The following RASA3 variants were observed in gnomAD, a reference collection of about 807,000 sequenced individuals.
RASA3 encodes RAS p21 protein activator 3, also known as ras GTPase-activating protein 3.
Under a neutral mutation model 110.0 loss-of-function variants are expected in RASA3, and 73 were observed. The observed-to-expected ratio is 0.66, with a 90% CI of 0.55 to 0.81. The LOEUF is 0.81. Ranked by LOEUF, RASA3 falls within the 30% of genes least tolerant of loss-of-function variation. The pLI is 0.00. For missense variants in RASA3, 976 were observed against 1,113.2 expected, an observed-to-expected ratio of 0.88 and a Z score of 1.75; for synonymous variants, 500 against 451.4, an observed-to-expected ratio of 1.11 and a Z score of -1.37.
intron 1 of RASA3, among the ~76,000 whole-genome samples, chr13:114,113,695 A>G (rs1357237207): frequency 1.4e-5 from 1 of 70,088 alleles, no homozygotes; most frequent in Non-Finnish European, 2.7e-5. Flanking sequence ...TACAGCTCAC[A>G]CCGCGTCCAT....
chr13:114,127,955 C>A (rs533467692), intron 1 of RASA3, among the ~76,000 whole-genome samples: 92 of 152,300 alleles, frequency 6.0e-4, no homozygotes, highest in Non-Finnish European at 1.0e-3. Context: ...CCTCCACACC[C>A]ACACACGCAC....
In RASA3 at chr13:114,132,459, A is replaced by G. The variant is rs1390976147; in HGVS notation, c.31T>C (p.Phe11Leu). ...CCGATCTTGATCTTCACGCTCTGGA[A>G]GACCCGGAGCCCCTCGTCCTCCACC... is the stretch of plus-strand genomic sequence containing the variant. MAVEDEGLRV[F>L]QSVKIKIGEA... Residue 11 changes from phenylalanine to leucine, a missense_variant, in exon 1 of 24, where the codon TTC becomes CTC. Physicochemically the swap from Phe to Leu is conservative, Grantham distance 22. This residue lies in a region of RASA3 where 732 missense variants were observed against 779.7 expected (regional missense o/e 0.94). Coordinates refer to ENST00000334062, the MANE Select transcript of RASA3 (RefSeq NM_007368.4). The G allele has an allele frequency of 1.3e-6, 2 of 1,523,188 alleles. No homozygotes were observed. The highest frequency in any genetic ancestry group is 1.4e-5 in the African/African-American group (1 of 69,938). The allele number at this position is 1,523,188 out of a possible 1,614,324, so 94.4% of individuals were successfully genotyped here. A position where few individuals can be genotyped will look rare whatever the true frequency, so the allele number is the denominator to read the frequency against.
chr13:114,070,283 G>A (rs1298942030), intron 2 of RASA3, among the ~76,000 whole-genome samples: 2 of 151,812 alleles, frequency 1.3e-5, no homozygotes, highest in Non-Finnish European at 2.9e-5. Context: ...GTGCCACCAT[G>A]GAGCAAGGAG....
At chr13:114,123,816 A>G (rs1360075681) in intron 1 of RASA3, among the ~76,000 whole-genome samples, 1 of 152,206 alleles carries the variant, frequency 6.6e-6, no homozygotes, top group Non-Finnish European at 1.5e-5. Flanking sequence ...GGTGGTCAGA[A>G]AAAGGATCCC....
At chr13:114,043,761 A>G (rs1400789434) in intron 3 of RASA3, among the ~76,000 whole-genome samples, 2 of 151,808 alleles carry the variant, frequency 1.3e-5, no homozygotes, top group Non-Finnish European at 2.9e-5. Context: ...GACTCCCTCC[A>G]ATGGCCTCTA....
chr13:114,089,773 T>G (rs2079868302), intron 1 of RASA3, among the ~76,000 whole-genome samples: 1 of 152,156 alleles, frequency 6.6e-6, no homozygotes, highest in South Asian at 2.1e-4. Context: ...TTATCACGAT[T>G]GACGCGAGCA....
chr13:114,131,594 A>G (rs929228743), intron 1 of RASA3, among the ~76,000 whole-genome samples: 1 of 152,158 alleles, frequency 6.6e-6, no homozygotes, highest in African/African-American at 2.4e-5. Flanking sequence ...GCAGCCTCGC[A>G]GGCCCTGGTC....
chr13:114,040,347 C>T (rs2054373513), intron 4 of RASA3, among the ~76,000 whole-genome samples: 1 of 115,212 alleles, frequency 8.7e-6, no homozygotes, highest in Admixed American at 8.5e-5. Context: ...AACCCAAAAT[C>T]CATGGCAGAG....
intron 1 of RASA3, among the ~76,000 whole-genome samples, chr13:114,125,317 C>G (rs189912363): frequency 6.6e-6 from 1 of 152,156 alleles, no homozygotes; most frequent in Non-Finnish European, 1.5e-5. Flanking sequence ...TTATTGGTCA[C>G]GGTGCTGCAA....
intron 1 of RASA3, among the ~76,000 whole-genome samples, chr13:114,100,746 C>A (rs891361900): frequency 6.6e-6 from 1 of 152,294 alleles, no homozygotes; most frequent in East Asian, 1.9e-4. Flanking sequence ...AATGTCCAGC[C>A]GTTTGGGAAC....
At chr13:114,017,917 G>A (rs1197377102) in intron 11 of RASA3, among the ~76,000 whole-genome samples, 187 bp downstream of exon 11, 24 of 151,202 alleles carry the variant, frequency 1.6e-4, no homozygotes, top group African/African-American at 5.8e-4. Flanking sequence ...AAAGGCAAAT[G>A]GGACTTTCAA....
At chr13:114,053,615 G>C (rs7326194) in intron 2 of RASA3, among the ~76,000 whole-genome samples, 1,784 of 152,338 alleles carry the variant, frequency 0.012, 27 homozygotes, top group African/African-American at 0.041. Flanking sequence ...GCCACACACA[G>C]AAATGAGCTC....
chr13:114,074,242 C>T (rs1332977553), intron 1 of RASA3, among the ~76,000 whole-genome samples: 1 of 152,232 alleles, frequency 6.6e-6, no homozygotes, highest in Non-Finnish European at 1.5e-5. Flanking sequence ...CTCTCGTCTT[C>T]CCAAACGGAG....
At chr13:114,124,286 G>C (rs1006155033) in intron 1 of RASA3, among the ~76,000 whole-genome samples, 1 of 152,206 alleles carries the variant, frequency 6.6e-6, no homozygotes, top group African/African-American at 2.4e-5. Flanking sequence ...ACAGCCCCAG[G>C]AATCCAGCCC....
At chr13:114,129,623 G>A (rs1200537260) in intron 1 of RASA3, among the ~76,000 whole-genome samples, 2 of 152,188 alleles carry the variant, frequency 1.3e-5, no homozygotes, top group Non-Finnish European at 2.9e-5. Flanking sequence ...CTTAGTAAGA[G>A]TAGTAGCAGA....
rs181886784 is a variant in RASA3, at chr13:114,014,764, C to T, written c.1405+445G>A. Among the ~76,000 whole-genome samples, 180 of 152,144 alleles carry T rather than the reference C, an allele frequency of 1.2e-3. No homozygotes were observed. The highest frequency in any genetic ancestry group is 4.1e-3 in the African/African-American group (171 of 41,496). On this transcript the variant is annotated intron_variant, in intron 14 of 23. Coordinates refer to ENST00000334062, the MANE Select transcript of RASA3 (RefSeq NM_007368.4). The surrounding 1 kb of genome is among the most constrained non-coding windows in gnomAD (Gnocchi z 4.5). The stretch of plus-strand genomic sequence containing the variant: ...TTCGAAGACACGGGCAGGCAGAGCC[C>T]CCAACACCACTCTGGGCCCTGCCAG...
intron 4 of RASA3, among the ~76,000 whole-genome samples, chr13:114,034,919 G>A (rs1029977868): frequency 7.9e-5 from 12 of 151,742 alleles, no homozygotes; most frequent in African/African-American, 2.7e-4. Context: ...GAGCAGAAGG[G>A]AGATCTGAAC....
intron 2 of RASA3, among the ~76,000 whole-genome samples, chr13:114,061,237 G>C (rs370726055): frequency 6.6e-6 from 1 of 151,950 alleles, no homozygotes; most frequent in Non-Finnish European, 1.5e-5. Context: ...CTCGATGCGC[G>C]GGGCTCCCTC....
chr13:114,087,414 T>A (rs2079834379), intron 1 of RASA3, among the ~76,000 whole-genome samples: 1 of 152,242 alleles, frequency 6.6e-6, no homozygotes, highest in African/African-American at 2.4e-5. Context: ...GCTGTGTTTA[T>A]CTGGGCATAA....
Sources: allele counts gnomAD v4.1 joint callset (sites outside exome capture counted in the v4.1 genomes callset), GRCh38; gene constraint gnomAD v4.1.1; regional missense constraint gnomAD v4.1.1; non-coding constraint Gnocchi (gnomAD v3.1); transcripts MANE v1.5; gene names NCBI Gene and HGNC (gene_info 2026-07-23, HGNC 2026-07-21).